PLD5: variants seen among roughly 807,000 people sequenced by gnomAD.
PLD5 encodes inactive phospholipase D5.
PLD5 carries 36 observed loss-of-function variants against 61.1 expected under a neutral mutation model. That is an observed-to-expected ratio of 0.59 (90% confidence interval 0.45 to 0.78). PLD5 has a LOEUF of 0.78. Among genes scored for constraint, PLD5 ranks in the 30% least tolerant of loss-of-function variants. The pLI is 0.00. For missense variants in PLD5, 515 were observed against 644.4 expected (o/e 0.80, Z 2.17); for synonymous variants, 243 against 242.8 (o/e 1.00, Z -0.01).
At chr1:242,260,649 A>C (rs941736228) in intron 4 of PLD5, among the ~76,000 whole-genome samples, 6 of 152,264 alleles carry the variant, frequency 3.9e-5, no homozygotes, top group Non-Finnish European at 7.3e-5. Flanking sequence ...AAATTTATTT[A>C]AATAAATTTT....
chr1:242,282,322 A>T (rs1473146709), intron 3 of PLD5, among the ~76,000 whole-genome samples: 1 of 152,144 alleles, frequency 6.6e-6, no homozygotes, highest in Non-Finnish European at 1.5e-5. Context: ...TAAGTAGGTC[A>T]AAAAACAAAA....
intron 1 of PLD5, among the ~76,000 whole-genome samples, chr1:242,390,608 G>A (rs778738871): frequency 2.6e-5 from 4 of 152,146 alleles, no homozygotes; most frequent in Non-Finnish European, 5.9e-5. Flanking sequence ...GAGATGATGT[G>A]TGCACAGCTG....
chr1:242,457,725 T>C (rs10926745), intron 1 of PLD5, among the ~76,000 whole-genome samples: 52,891 of 152,084 alleles, frequency 0.35, 10,138 homozygotes, highest in Admixed American at 0.47. Flanking sequence ...TCAGACATCC[T>C]GAACAACTTG....
intron 4 of PLD5, among the ~76,000 whole-genome samples, chr1:242,255,110 C>A (rs1049063787): frequency 6.6e-6 from 1 of 152,114 alleles, no homozygotes; most frequent in African/African-American, 2.4e-5. Flanking sequence ...CAGAGCAGAC[C>A]CAATACAAAG....
chr1:242,351,455 G>A (rs559969317), intron 1 of PLD5, among the ~76,000 whole-genome samples: 30 of 152,170 alleles, frequency 2.0e-4, no homozygotes, highest in Admixed American at 1.2e-3. Context: ...TTTCCCATGC[G>A]GTTCTCATGA....
intron 2 of PLD5, among the ~76,000 whole-genome samples, chr1:242,305,561 A>T (rs1018504637): frequency 2.0e-4 from 30 of 149,562 alleles, no homozygotes; most frequent in African/African-American, 6.9e-4. Flanking sequence ...TCCATTTCTT[A>T]TTTTTTTTTC....
At chr1:242,393,011 C>G (rs1379804661) in intron 1 of PLD5, among the ~76,000 whole-genome samples, 1 of 151,046 alleles carries the variant, frequency 6.6e-6, no homozygotes, top group Non-Finnish European at 1.5e-5. Context: ...CGAGACCAGC[C>G]TGGCCAACAT....
At chr1:242,497,903 A>C (rs1316073096) in intron 1 of PLD5, among the ~76,000 whole-genome samples, 2 of 152,272 alleles carry the variant, frequency 1.3e-5, no homozygotes, top group African/African-American at 4.8e-5. Context: ...CGAATAAAGC[A>C]GGAGCAGAGG....
chr1:242,504,036 G>A (rs1394059), intron 1 of PLD5, among the ~76,000 whole-genome samples: 55,288 of 151,920 alleles, frequency 0.36, 10,677 homozygotes, highest in East Asian at 0.6. Context: ...CCAAATATGG[G>A]TGTCTTCTAG....
intron 4 of PLD5, among the ~76,000 whole-genome samples, chr1:242,238,497 G>A (rs191655832): frequency 6.6e-6 from 1 of 152,316 alleles, no homozygotes; most frequent in African/African-American, 2.4e-5. Flanking sequence ...CACCTATAAG[G>A]TGCAATGGAG....
chr1:242,333,532 G>T (rs2149204301), intron 2 of PLD5, among the ~76,000 whole-genome samples: 1 of 152,058 alleles, frequency 6.6e-6, no homozygotes, highest in African/African-American at 2.4e-5. Flanking sequence ...AGTGTACCAG[G>T]GACTGGTTAC....
At chr1:242,483,216 C>T (rs886754624) in intron 1 of PLD5, among the ~76,000 whole-genome samples, 7 of 152,200 alleles carry the variant, frequency 4.6e-5, no homozygotes, top group African/African-American at 1.4e-4. Context: ...CAATATTAAC[C>T]TTAAATGTAA....
chr1:242,239,392 C>T (rs1385054698), intron 4 of PLD5, among the ~76,000 whole-genome samples: 1 of 152,150 alleles, frequency 6.6e-6, no homozygotes, highest in Admixed American at 6.6e-5. Flanking sequence ...TTTGAGTTAC[C>T]TTGCATAATT....
intron 1 of PLD5, among the ~76,000 whole-genome samples, chr1:242,470,420 C>A (rs1187255279): frequency 6.6e-6 from 1 of 151,660 alleles, no homozygotes; most frequent in African/African-American, 2.4e-5. Context: ...CTGTAGAATC[C>A]TACTGGCCTG....
At chr1:242,464,260 C>T (rs192414612) in intron 1 of PLD5, among the ~76,000 whole-genome samples, 1 of 152,210 alleles carries the variant, frequency 6.6e-6, no homozygotes, top group African/African-American at 2.4e-5. Flanking sequence ...ATTTCAATGG[C>T]AAGTAAGTGC....
chr1:242,419,128 C>G (rs901126462), intron 1 of PLD5, among the ~76,000 whole-genome samples: 3 of 152,182 alleles, frequency 2.0e-5, no homozygotes, highest in Admixed American at 6.5e-5. Context: ...GATCTGTAAC[C>G]AAAGAGGGTG....
rs1355174004 is a variant in PLD5 at position 242,086,881 on chromosome 1, G to A, written c.*2973C>T. 1 of 152,012 alleles carries A rather than the reference G, an allele frequency of 6.6e-6. No homozygotes were observed. Among genetic ancestry groups the A allele is most frequent in the Non-Finnish European group, 1.5e-5 (1 of 68,016 alleles). 9.4% of individuals were successfully genotyped at this position (152,012 alleles called of 1,614,324 possible). A position where few individuals can be genotyped will look rare whatever the true frequency, so the allele number is the denominator to read the frequency against. ...AATGTTAATGGGGAGTAGTCACCCT[G>A]CTCCTCATAATTTCTGGCATGGACA... On this transcript the variant is annotated 3_prime_UTR_variant, in exon 10 of 10. Transcript: ENST00000536534.
At chr1:242,514,629 T>C (rs1669045004) in intron 1 of PLD5, among the ~76,000 whole-genome samples, 3 of 152,112 alleles carry the variant, frequency 2.0e-5, no homozygotes, top group Admixed American at 1.3e-4. Flanking sequence ...AAAAAGAATG[T>C]TTTATCTTCC....
Position 242,524,283 on chromosome 1 carries a change from A to G in PLD5, c.-7T>C. On this transcript the variant is annotated 5_prime_UTR_variant, in exon 1 of 10. The change abolishes an upstream ATG in the 5' untranslated region. Coordinates refer to ENST00000536534, the MANE Select transcript of PLD5 (RefSeq NM_001372062.1). ...CGTGCTGCCGGATCTCCATCCTGAC[A>G]TGACCGGGCGGCCGCCGGCGAGCAG... 2 of 1,402,118 alleles carry G rather than the reference A, an allele frequency of 1.4e-6. No individual in the cohort carries two copies. Among genetic ancestry groups the G allele is most frequent in the East Asian group, 3.0e-5 (1 of 33,154 alleles). The allele number at this position is 1,402,118 out of a possible 1,614,324, so 86.9% of individuals were successfully genotyped here.
Sources: gnomAD v4.1 joint callset for allele counts (sites outside exome capture counted in the v4.1 genomes callset) on GRCh38, gnomAD v4.1.1 for gene constraint, MANE v1.5 for transcripts, NCBI Gene and HGNC (gene_info 2026-07-23, HGNC 2026-07-21) for gene names.